ARNT: variants seen among roughly 807,000 people sequenced by gnomAD.
ARNT encodes the protein aryl hydrocarbon receptor nuclear translocator.
A neutral mutation model predicts 105.0 loss-of-function variants in ARNT; 30 were observed. That is an observed-to-expected ratio of 0.29 (90% CI 0.21 to 0.39). ARNT has a LOEUF of 0.39. Ranked by LOEUF, ARNT falls within the 10% of genes least tolerant of loss-of-function variation. The pLI is 1.00. For missense variants in ARNT, 748 were observed against 978.7 expected, an observed-to-expected ratio of 0.76 and a Z score of 3.15; for synonymous variants, 304 against 344.0, an observed-to-expected ratio of 0.88 and a Z score of 1.29.
chr1:150,844,530 C>G (rs925773966), intron 4 of ARNT, among the ~76,000 whole-genome samples: 5 of 152,098 alleles, frequency 3.3e-5, no homozygotes, highest in African/African-American at 1.2e-4. Flanking sequence ...GTTCCCGAGA[C>G]CAGGAGCATC....
At chr1:150,843,994 A>G (rs1014512591) in intron 4 of ARNT, among the ~76,000 whole-genome samples, 2 of 152,216 alleles carry the variant, frequency 1.3e-5, no homozygotes, top group Non-Finnish European at 2.9e-5. Flanking sequence ...TGAATGAAAT[A>G]TATGCACATT....
At chr1:150,827,898 T>C (rs1441548489) in intron 12 of ARNT, among the ~76,000 whole-genome samples, 10 of 152,244 alleles carry the variant, frequency 6.6e-5, no homozygotes, top group Admixed American at 1.3e-4. Context: ...TGATTTTAAT[T>C]TGCACTTTCC....
intron 18 of ARNT, 112 bp from the exon 19 acceptor site, chr1:150,816,518 A>G: frequency 7.6e-7 from 1 of 1,311,560 alleles, no homozygotes; most frequent in Non-Finnish European, 1.0e-6. Flanking sequence ...CCTGCAGGTT[A>G]AGGAAAATTT....
intron 6 of ARNT, among the ~76,000 whole-genome samples, chr1:150,836,881 C>CAAACA (rs951619910): frequency 4.6e-5 from 7 of 152,028 alleles, no homozygotes; most frequent in African/African-American, 1.4e-4. Flanking sequence ...TCTTTACAAA[C>CAAACA]AAACAAAACA....
intron 5 of ARNT, 147 bp downstream of exon 5, chr1:150,842,277 A>C: frequency 7.5e-7 from 1 of 1,328,168 alleles, no homozygotes; most frequent in Middle Eastern, 2.2e-4. Context: ...AGTTCCTGTT[A>C]CACTCAAACT....
chr1:150,869,509 T>C (rs1667126098), intron 1 of ARNT, among the ~76,000 whole-genome samples: 1 of 150,676 alleles, frequency 6.6e-6, no homozygotes, highest in Admixed American at 6.6e-5. Flanking sequence ...TGAAGAATTA[T>C]AGAATGTTAC....
intron 15 of ARNT, 129 bp from the exon 16 acceptor site, chr1:150,817,562 C>G: frequency 3.6e-6 from 3 of 841,078 alleles, no homozygotes; most frequent in Non-Finnish European, 5.5e-6. Flanking sequence ...AATCCCAACA[C>G]TTTGGGAGGC....
At chr1:150,815,789 G>A (rs1279486824) in intron 19 of ARNT, among the ~76,000 whole-genome samples, 3 of 149,714 alleles carry the variant, frequency 2.0e-5, no homozygotes, top group South Asian at 2.1e-4. Flanking sequence ...GCGTGAACCC[G>A]GGAGGCAGAG....
chr1:150,859,027 A>T (rs185379874), intron 1 of ARNT, among the ~76,000 whole-genome samples: 2 of 152,148 alleles, frequency 1.3e-5, no homozygotes, highest in East Asian at 3.9e-4. Flanking sequence ...CATGTTAAAA[A>T]GCTTATACAT....
At chr1:150,854,857 CAA>C (rs769273005) in intron 2 of ARNT, among the ~76,000 whole-genome samples, 583 of 31,558 alleles carry the variant, frequency 0.018, 1 homozygote, top group South Asian at 0.078. Context: ...AACTACATCT[CAA>C]AAAAAAAAAA....
intron 1 of ARNT, among the ~76,000 whole-genome samples, chr1:150,874,508 G>A (rs587728639): frequency 6.6e-6 from 1 of 152,048 alleles, no homozygotes; most frequent in Admixed American, 6.6e-5. Flanking sequence ...ACATAGCAAG[G>A]CATCTGTCTC....
chr1:150,829,065 G>T, intron 12 of ARNT, 28 bp downstream of exon 12: 1 of 1,610,202 alleles, frequency 6.2e-7, no homozygotes, highest in Non-Finnish European at 8.5e-7. Context: ...AAGGAAAATG[G>T]AGGCCTAATG....
At chr1:150,864,943 CAAGAG>C (rs1290995549) in intron 1 of ARNT, among the ~76,000 whole-genome samples, 3 of 144,676 alleles carry the variant, frequency 2.1e-5, no homozygotes, top group Non-Finnish European at 4.5e-5. Context: ...AAGTGCTAAC[CAAGAG>C]AAAGCTTTGA....
At chr1:150,872,235 G>A (rs587758433) in intron 1 of ARNT, among the ~76,000 whole-genome samples, 3 of 152,194 alleles carry the variant, frequency 2.0e-5, no homozygotes, top group South Asian at 2.1e-4. Flanking sequence ...TTAGAGGCAC[G>A]AGCCACCACA....
At chr1:150,859,387 C>T (rs1354244687) in intron 1 of ARNT, among the ~76,000 whole-genome samples, 1 of 151,156 alleles carries the variant, frequency 6.6e-6, no homozygotes, top group African/African-American at 2.4e-5. Context: ...CTTTGTCCAG[C>T]CCAGGCTGGA....
chr1:150,860,009 A>G (rs1041215762), intron 1 of ARNT, among the ~76,000 whole-genome samples: 2 of 151,760 alleles, frequency 1.3e-5, no homozygotes, highest in African/African-American at 4.8e-5. Context: ...CCTGTCTAAA[A>G]AAAAAAAAAG....
intron 1 of ARNT, among the ~76,000 whole-genome samples, chr1:150,860,838 C>A (rs1057058845): frequency 1.3e-5 from 2 of 151,852 alleles, no homozygotes; most frequent in African/African-American, 4.8e-5. Context: ...GCCTGAGCGA[C>A]AGAGAAAGAC....
At chr1:150,867,322 CA>C (rs1666761271) in intron 1 of ARNT, among the ~76,000 whole-genome samples, 1 of 151,436 alleles carries the variant, frequency 6.6e-6, no homozygotes, top group South Asian at 2.1e-4. Context: ...TTGAGCTCAG[CA>C]GTTCAAGACC....
At chr1:150,823,114 C>T (rs925552817) in intron 14 of ARNT, 80 bp downstream of exon 14, 3 of 1,340,164 alleles carry the variant, frequency 2.2e-6, no homozygotes, top group Non-Finnish European at 2.9e-6. Flanking sequence ...TTGTTTACCC[C>T]CCACATAGGG....
Sources: gnomAD v4.1 joint callset for allele counts (sites outside exome capture counted in the v4.1 genomes callset) on GRCh38, gnomAD v4.1.1 for gene constraint, MANE v1.5 for transcripts, NCBI Gene and HGNC (gene_info 2026-07-23, HGNC 2026-07-21) for gene names.